The following EBF1 variants were observed in gnomAD, a reference collection of about 807,000 sequenced individuals.
EBF1 encodes transcription factor COE1.
A neutral mutation model predicts 68.4 loss-of-function variants in EBF1; 10 were observed. The ratio of observed to expected loss-of-function variants is 0.15; its 90% CI spans 0.09 to 0.25. EBF1 has a LOEUF of 0.25. Ranked by LOEUF, EBF1 falls within the 10% of genes least tolerant of loss-of-function variation. EBF1 has a pLI of 1.00. For synonymous variants in EBF1, 298 were observed against 299.8 expected (o/e 0.99, Z 0.06); for missense variants, 509 against 794.4 (o/e 0.64, Z 4.32).
intron 6 of EBF1, among the ~76,000 whole-genome samples, chr5:158,941,040 A>G (rs1813248692): frequency 6.6e-6 from 1 of 152,150 alleles, no homozygotes; most frequent in Admixed American, 6.5e-5. Flanking sequence ...CATTAGGGCA[A>G]AGCTCTTAGC....
chr5:158,813,665 G>T (rs1233171239), intron 8 of EBF1, among the ~76,000 whole-genome samples: 1 of 152,140 alleles, frequency 6.6e-6, no homozygotes, highest in African/African-American at 2.4e-5. Context: ...AGCTTGAAGG[G>T]CTCTTCCAAG....
intron 10 of EBF1, among the ~76,000 whole-genome samples, chr5:158,744,371 G>A (rs1211637354): frequency 2.0e-5 from 3 of 152,002 alleles, no homozygotes; most frequent in Non-Finnish European, 4.4e-5. Flanking sequence ...GGAGAGAATA[G>A]TATCACCGAA....
At chr5:158,983,962 A>C (rs964932675) in intron 6 of EBF1, among the ~76,000 whole-genome samples, 4 of 149,128 alleles carry the variant, frequency 2.7e-5, no homozygotes, top group African/African-American at 9.9e-5. Flanking sequence ...AGAACATAGA[A>C]CTATGTCTCT....
chr5:158,886,999 T>C (rs1478918935), intron 6 of EBF1, among the ~76,000 whole-genome samples: 1 of 151,596 alleles, frequency 6.6e-6, no homozygotes, highest in Admixed American at 6.6e-5. Flanking sequence ...AGAAACTCCA[T>C]CTCAAAAAAA....
At chr5:159,040,186 CCGCACA>C (rs1453230859) in intron 6 of EBF1, among the ~76,000 whole-genome samples, 4 of 152,146 alleles carry the variant, frequency 2.6e-5, no homozygotes, top group Non-Finnish European at 5.9e-5. Context: ...AAGGAAAGTG[CCGCACA>C]CCAGCACCAC....
chr5:158,980,218 A>G (rs1272425290), intron 6 of EBF1, among the ~76,000 whole-genome samples: 1 of 152,230 alleles, frequency 6.6e-6, no homozygotes, highest in African/African-American at 2.4e-5. Flanking sequence ...TTCACGTCTC[A>G]TATGTCAACA....
intron 11 of EBF1, among the ~76,000 whole-genome samples, chr5:158,716,935 C>G (rs976801319): frequency 1.3e-5 from 2 of 152,200 alleles, no homozygotes; most frequent in Non-Finnish European, 2.9e-5. Context: ...GTGTTAACCT[C>G]TCATTTACTA....
intron 6 of EBF1, among the ~76,000 whole-genome samples, chr5:158,870,125 G>A (rs1796630403): frequency 6.6e-6 from 1 of 152,238 alleles, no homozygotes; most frequent in South Asian, 2.1e-4. Context: ...CACAACAGAA[G>A]TGTGCATGCC....
intron 9 of EBF1, among the ~76,000 whole-genome samples, chr5:158,789,522 C>A (rs1213065420): frequency 6.6e-6 from 1 of 151,798 alleles, no homozygotes; most frequent in African/African-American, 2.4e-5. Flanking sequence ...TGTTAAAAGC[C>A]CATGGAAATT....
At chr5:158,908,860 C>A (rs886105046) in intron 6 of EBF1, among the ~76,000 whole-genome samples, 19 of 152,198 alleles carry the variant, frequency 1.2e-4, no homozygotes, top group African/African-American at 4.6e-4. Context: ...CCTTCCTCCC[C>A]TTGAATAAAG....
At chr5:158,742,328 C>A (rs963247174) in intron 10 of EBF1, among the ~76,000 whole-genome samples, 5 of 152,320 alleles carry the variant, frequency 3.3e-5, no homozygotes, top group Middle Eastern at 3.4e-3. Flanking sequence ...TAAGACTCAG[C>A]TAGACTGCAG....
chr5:159,087,564 C>T (rs1028538675), intron 4 of EBF1, among the ~76,000 whole-genome samples: 18 of 151,690 alleles, frequency 1.2e-4, no homozygotes, highest in Non-Finnish European at 2.1e-4. Flanking sequence ...TTCTAGATGA[C>T]GCAAATATTA....
intron 9 of EBF1, among the ~76,000 whole-genome samples, chr5:158,784,005 T>C (rs570362065): frequency 6.6e-6 from 1 of 152,148 alleles, no homozygotes; most frequent in South Asian, 2.1e-4. Context: ...AGTGGAAGCA[T>C]GTTGTAGAAT....
chr5:159,054,905 A>G (rs1442957426), intron 6 of EBF1, among the ~76,000 whole-genome samples: 2 of 152,114 alleles, frequency 1.3e-5, no homozygotes, highest in East Asian at 1.9e-4. Flanking sequence ...CAAGCCTACA[A>G]TTTTCTTTTT....
intron 7 of EBF1, among the ~76,000 whole-genome samples, chr5:158,831,932 G>A (rs1482807253): frequency 6.6e-6 from 1 of 152,196 alleles, no homozygotes; most frequent in Admixed American, 6.5e-5. Flanking sequence ...ATGAAGGAAG[G>A]CCAATGTGCT....
At chr5:159,042,192 C>T (rs1404321577) in intron 6 of EBF1, among the ~76,000 whole-genome samples, 1 of 152,176 alleles carries the variant, frequency 6.6e-6, no homozygotes, top group Non-Finnish European at 1.5e-5. Context: ...CATGGGGATC[C>T]TGGTCCCTGC....
At chr5:158,941,307 C>G (rs1813323917) in intron 6 of EBF1, 1 of 453,142 alleles carries the variant, frequency 2.2e-6, no homozygotes, top group Admixed American at 2.4e-5. Context: ...TACAGCAAAC[C>G]TCTCAAGCAT....
intron 6 of EBF1, among the ~76,000 whole-genome samples, chr5:158,911,241 G>T (rs987413691): frequency 6.6e-6 from 1 of 152,180 alleles, no homozygotes; most frequent in African/African-American, 2.4e-5. Context: ...TGTACAAAAT[G>T]CTTAGACCTT....
chr5:158,848,256 A>C (rs1026278440), intron 6 of EBF1, among the ~76,000 whole-genome samples: 5 of 152,164 alleles, frequency 3.3e-5, no homozygotes, highest in Non-Finnish European at 7.3e-5. Context: ...CAAAGCCCAC[A>C]TCCATTAAAC....
Sources: gnomAD v4.1 joint callset for allele counts (sites outside exome capture counted in the v4.1 genomes callset) on GRCh38, gnomAD v4.1.1 for gene constraint, MANE v1.5 for transcripts, NCBI Gene and HGNC (gene_info 2026-07-23, HGNC 2026-07-21) for gene names.